SIPA1L1: variants seen among roughly 807,000 people sequenced by gnomAD.
The protein encoded by SIPA1L1 is signal-induced proliferation-associated 1-like protein 1.
SIPA1L1 carries 26 observed loss-of-function variants against 162.7 expected under a neutral mutation model. The observed-to-expected ratio is 0.16, with a 90% CI of 0.12 to 0.22. SIPA1L1 has a LOEUF of 0.22. Among genes scored for constraint, SIPA1L1 ranks in the 10% least tolerant of loss-of-function variants. The pLI, the probability that SIPA1L1 is intolerant of heterozygous loss-of-function variation, is 1.00. For synonymous variants in SIPA1L1, 829 were observed against 837.4 expected (o/e 0.99, Z 0.17); for missense variants, 1,874 against 2,241.0 (o/e 0.84, Z 3.31).
intron 2 of SIPA1L1, among the ~76,000 whole-genome samples, chr14:71,487,132 C>T (rs1239747868): frequency 6.6e-6 from 1 of 152,196 alleles, no homozygotes; most frequent in African/African-American, 2.4e-5. Flanking sequence ...TCTGCTTACT[C>T]CTCTTCAACC....
intron 12 of SIPA1L1, among the ~76,000 whole-genome samples, chr14:71,684,858 G>C (rs2046144617): frequency 1.3e-5 from 2 of 151,546 alleles, no homozygotes; most frequent in South Asian, 4.2e-4. Context: ...CCCAGTCATG[G>C]TGTACAATGG....
intron 4 of SIPA1L1, among the ~76,000 whole-genome samples, chr14:71,577,749 T>TG (rs2033306008): frequency 1.4e-5 from 2 of 147,902 alleles, no homozygotes; most frequent in African/African-American, 5.0e-5. Context: ...TTTTTTTTTT[T>TG]TTGAAACGGT....
intron 2 of SIPA1L1, among the ~76,000 whole-genome samples, chr14:71,439,177 A>G (rs778549197): frequency 9.2e-5 from 14 of 152,188 alleles, no homozygotes; most frequent in Non-Finnish European, 1.6e-4. Flanking sequence ...TGTTTCAGCA[A>G]CTGGCTTCTC....
chr14:71,634,294 C>G (rs1369739903), intron 7 of SIPA1L1, among the ~76,000 whole-genome samples: 1 of 150,314 alleles, frequency 6.7e-6, no homozygotes, highest in African/African-American at 2.4e-5. Context: ...CCCAGCTACT[C>G]GGGAGGCTGA....
chr14:71,458,785 T>C (rs1199394228), intron 2 of SIPA1L1, among the ~76,000 whole-genome samples: 1 of 152,088 alleles, frequency 6.6e-6, no homozygotes, highest in East Asian at 1.9e-4. Context: ...TAAGGAGAAT[T>C]CTCTGCCAGG....
intron 2 of SIPA1L1, among the ~76,000 whole-genome samples, chr14:71,458,679 T>C (rs2046360198): frequency 6.6e-6 from 1 of 152,208 alleles, no homozygotes; most frequent in South Asian, 2.1e-4. Context: ...ACATATGCTA[T>C]CAGCTTTTAC....
At chr14:71,635,788 G>A (rs2041084990) in intron 7 of SIPA1L1, among the ~76,000 whole-genome samples, 2 of 152,108 alleles carry the variant, frequency 1.3e-5, no homozygotes, top group Non-Finnish European at 2.9e-5. Context: ...GACAGAGATT[G>A]GTAGACTGGA....
At chr14:71,689,560 T>G (rs1392334253) in intron 13 of SIPA1L1, among the ~76,000 whole-genome samples, 3 of 152,216 alleles carry the variant, frequency 2.0e-5, no homozygotes, top group Non-Finnish European at 4.4e-5. Context: ...AAAACCCTGA[T>G]CTGTGTTAAT....
chr14:71,564,870 G>A (rs562312564), intron 4 of SIPA1L1, among the ~76,000 whole-genome samples: 4 of 152,250 alleles, frequency 2.6e-5, no homozygotes, highest in African/African-American at 9.6e-5. Context: ...ATAAGTACTA[G>A]TTACTTTCAC....
intron 7 of SIPA1L1, among the ~76,000 whole-genome samples, chr14:71,635,626 A>G (rs1281276546): frequency 6.6e-6 from 1 of 152,226 alleles, no homozygotes; most frequent in African/African-American, 2.4e-5. Flanking sequence ...AGATACATTC[A>G]AAAGCCCTAT....
At chr14:71,732,165 T>G (rs2084851045) in intron 20 of SIPA1L1, among the ~76,000 whole-genome samples, 1 of 152,250 alleles carries the variant, frequency 6.6e-6, no homozygotes, top group African/African-American at 2.4e-5. Flanking sequence ...AACCAGCAGC[T>G]GTACTTCAGA....
chr14:71,585,057 G>A (rs1317426593), intron 4 of SIPA1L1, among the ~76,000 whole-genome samples: 4 of 149,212 alleles, frequency 2.7e-5, no homozygotes, highest in Non-Finnish European at 5.9e-5. Flanking sequence ...TAAGTGCAAA[G>A]CATGTATATT....
chr14:71,648,246 C>T (rs1031602059), intron 7 of SIPA1L1, among the ~76,000 whole-genome samples: 1 of 152,110 alleles, frequency 6.6e-6, no homozygotes, highest in Admixed American at 6.5e-5. Context: ...GCCAAGATTG[C>T]GCCATTGCAA....
intron 4 of SIPA1L1, among the ~76,000 whole-genome samples, chr14:71,560,588 C>T (rs1490466535): frequency 6.6e-6 from 1 of 152,186 alleles, no homozygotes. Flanking sequence ...TGACTAGTTA[C>T]CCCTAAACCA....
At chr14:71,631,788 C>T (rs1409276835) in intron 7 of SIPA1L1, among the ~76,000 whole-genome samples, 1 of 152,038 alleles carries the variant, frequency 6.6e-6, no homozygotes, top group African/African-American at 2.4e-5. Context: ...TAGTAATTCC[C>T]AATGAGGATA....
At chr14:71,518,096 C>T (rs2051925358) in intron 3 of SIPA1L1, among the ~76,000 whole-genome samples, 1 of 151,916 alleles carries the variant, frequency 6.6e-6, no homozygotes, top group African/African-American at 2.4e-5. Flanking sequence ...CCAGCCTGGG[C>T]AACATGGCAA....
Position 71,370,347 on chromosome 14 carries a change from G to A in SIPA1L1, c.-465+49166G>A, listed in dbSNP as rs968899324. 6.7e-5 allele frequency among the ~76,000 whole-genome samples: 10 copies of A among 150,348 alleles called. No individual in the cohort carries two copies. The South Asian group carries it at 8.5e-4, about 13-fold the overall frequency. ...TTTGAAATACGTCCCATCAATACCT[G>A]ATTTATTGAGAGTTTTTAGCATGAA... On this transcript the variant is annotated intron_variant, in intron 2 of 23. Coordinates refer to ENST00000381232, the MANE Select transcript of SIPA1L1 (RefSeq NM_001386936.1).
chr14:71,404,539 A>G (rs559465287), intron 2 of SIPA1L1, among the ~76,000 whole-genome samples: 5 of 152,360 alleles, frequency 3.3e-5, no homozygotes, highest in East Asian at 1.9e-4. Flanking sequence ...ACAGAGCCCA[A>G]GGTTCTAGGG....
intron 2 of SIPA1L1, among the ~76,000 whole-genome samples, chr14:71,408,247 C>T (rs1215896668): frequency 6.6e-6 from 1 of 152,026 alleles, no homozygotes; most frequent in East Asian, 1.9e-4. Flanking sequence ...TTTAAGCTTC[C>T]CAAGTGTCTG....
Sources: allele counts gnomAD v4.1 joint callset (sites outside exome capture counted in the v4.1 genomes callset), GRCh38; gene constraint gnomAD v4.1.1; transcripts MANE v1.5; gene names NCBI Gene and HGNC (gene_info 2026-07-23, HGNC 2026-07-21).